Variants in RCAN2 observed in about 807,000 individuals in gnomAD.
RCAN2 encodes regulator of calcineurin 2.
Under a neutral mutation model 23.6 loss-of-function variants are expected in RCAN2, and 9 were observed. The observed-to-expected ratio is 0.38, with a 90% confidence interval of 0.23 to 0.67. RCAN2 has a LOEUF of 0.67. Among genes scored for constraint, RCAN2 ranks in the 30% least tolerant of loss-of-function variants. The pLI is 0.51. For missense variants in RCAN2, 273 were observed against 302.3 expected (o/e 0.90, Z 0.72); for synonymous variants, 109 against 115.7 (o/e 0.94, Z 0.37).
intron 1 of RCAN2, among the ~76,000 whole-genome samples, chr6:46,479,180 G>T (rs144169764): frequency 6.6e-6 from 1 of 152,158 alleles, no homozygotes. Flanking sequence ...TTTTTGCATC[G>T]AAGATTTTCA....
chr6:46,325,858 CTGT>C (rs1582106785), intron 2 of RCAN2: 1 of 985,298 alleles, frequency 1.0e-6, no homozygotes, highest in Non-Finnish European at 1.2e-6. Context: ...TGAGTCATAG[CTGT>C]TGTTGCAGCC....
chr6:46,421,581 C>T (rs1276739675), intron 2 of RCAN2, among the ~76,000 whole-genome samples: 4 of 152,198 alleles, frequency 2.6e-5, no homozygotes, highest in African/African-American at 7.2e-5. Flanking sequence ...TCCTACTCAA[C>T]TTTTAATACC....
At chr6:46,424,480 A>T (rs1321211311) in intron 2 of RCAN2, among the ~76,000 whole-genome samples, 1 of 152,110 alleles carries the variant, frequency 6.6e-6, no homozygotes, top group Non-Finnish European at 1.5e-5. Flanking sequence ...TTACCAACCC[A>T]TCCTCCAGTT....
chr6:46,243,690 G>A (rs1466428269), intron 4 of RCAN2, among the ~76,000 whole-genome samples: 1 of 151,476 alleles, frequency 6.6e-6, no homozygotes, highest in Non-Finnish European at 1.5e-5. Flanking sequence ...TGCGCCTGTA[G>A]TCCCAGCTGC....
intron 1 of RCAN2, among the ~76,000 whole-genome samples, chr6:46,471,891 G>A (rs1054872394): frequency 1.5e-4 from 22 of 151,584 alleles, no homozygotes; most frequent in Admixed American, 2.6e-4. Flanking sequence ...AGGTGCGTGC[G>A]CACACACACA....
intron 2 of RCAN2, chr6:46,325,743 CT>C: frequency 7.9e-7 from 1 of 1,266,694 alleles, no homozygotes; most frequent in Non-Finnish European, 1.0e-6. Context: ...ATTTTTTTTT[CT>C]CCAAGCCTTT....
At chr6:46,418,690 T>C (rs1300328279) in intron 2 of RCAN2, among the ~76,000 whole-genome samples, 1 of 111,332 alleles carries the variant, frequency 9.0e-6, no homozygotes, top group Admixed American at 1.1e-4. Context: ...AAAATATGTG[T>C]GTGTGTATAT....
At chr6:46,348,715 G>C (rs1050752578) in intron 2 of RCAN2, among the ~76,000 whole-genome samples, 3 of 152,124 alleles carry the variant, frequency 2.0e-5, no homozygotes, top group East Asian at 3.8e-4. Flanking sequence ...ATGGTACCTC[G>C]GCATGTTATA....
chr6:46,227,950 G>A (rs1228336608), intron 4 of RCAN2, among the ~76,000 whole-genome samples: 15 of 152,170 alleles, frequency 9.9e-5, no homozygotes. Flanking sequence ...CTTTAAATGT[G>A]TCCCAGAGAT....
intron 2 of RCAN2, among the ~76,000 whole-genome samples, chr6:46,405,750 CCGCACCGTGCGCT>C (rs1766381646): frequency 6.6e-6 from 1 of 152,216 alleles, no homozygotes; most frequent in Admixed American, 6.5e-5. Context: ...CCTGCCAGTC[CCGCACCGTGCGCT>C]CGCACTCCTC....
intron 1 of RCAN2, among the ~76,000 whole-genome samples, chr6:46,481,699 A>G (rs948626017): frequency 1.6e-4 from 25 of 152,178 alleles, no homozygotes; most frequent in African/African-American, 5.5e-4. Context: ...GGTCTCTGGC[A>G]GCTGTGTCTC....
Position 46,369,792 on chromosome 6 carries a change from T to C in RCAN2, c.225+86960A>G, listed in dbSNP as rs553262871. The stretch of plus-strand genomic sequence containing the variant: ...TCATTCATGCTTTAGAGATTAAAAT[T>C]GGAAAACAAAACTATGAATCTTTTA... On this transcript the variant is annotated intron_variant, in intron 2 of 4. Transcript: ENST00000371374. Among the ~76,000 whole-genome samples, 52 of 152,336 alleles carry C rather than the reference T, an allele frequency of 3.4e-4. No individual in the cohort carries two copies. In the South Asian group the frequency reaches 5.2e-3, roughly 15 times the overall value.
intron 2 of RCAN2, among the ~76,000 whole-genome samples, chr6:46,404,269 G>T (rs1766338716): frequency 6.6e-6 from 1 of 151,994 alleles, no homozygotes; most frequent in Non-Finnish European, 1.5e-5. Flanking sequence ...GTGCTTGTTT[G>T]ATCATAGACC....
chr6:46,331,609 G>C (rs777786963), intron 2 of RCAN2, among the ~76,000 whole-genome samples: 1 of 152,310 alleles, frequency 6.6e-6, no homozygotes, highest in Middle Eastern at 3.4e-3. Flanking sequence ...TCCTGCCTTA[G>C]ATAAGGAGTC....
In RCAN2 at chr6:46,248,891, T is replaced by C; in HGVS notation, c.231A>G (p.Lys77=). ...SVFEGEESKE[K]FEGLFRTYDD... ...CATAAGTCCGAAACAGTCCCTCAAA[T>C]TTTTCCTGATAAAAACAAACACAGA... Residue 77 remains lysine (K), a synonymous_variant, in exon 3 of 5, where the codon AAA becomes AAG. Transcript: ENST00000371374. The C allele has an allele frequency of 1.9e-6, 3 of 1,601,964 alleles. No individual in the cohort carries two copies. Among genetic ancestry groups the C allele is most frequent in the Non-Finnish European group, 2.6e-6 (3 of 1,174,896 alleles).
intron 2 of RCAN2, among the ~76,000 whole-genome samples, chr6:46,365,287 C>G (rs1235158655): frequency 6.6e-6 from 1 of 151,928 alleles, no homozygotes; most frequent in African/African-American, 2.4e-5. Context: ...ACCAGCCTGG[C>G]CAACATGGTG....
intron 1 of RCAN2, among the ~76,000 whole-genome samples, chr6:46,471,979 C>A (rs554517364): frequency 1.3e-5 from 2 of 152,212 alleles, no homozygotes; most frequent in East Asian, 1.9e-4. Context: ...CAGGACTCGG[C>A]GACTTGCACC....
chr6:46,491,292 G>C lies in RCAN2; in HGVS notation c.-122C>G, dbSNP rs1769140918. Reference sequence around the variant, plus strand: ...CTCACCTGCCCGCCGGTGCGAGCGCGTGGGGGCGGCGCGGTGCCCGCGGGC... The same window carrying C: ...CTCACCTGCCCGCCGGTGCGAGCGCCTGGGGGCGGCGCGGTGCCCGCGGGC... On this transcript the variant is annotated 5_prime_UTR_variant, in exon 1 of 5. Coordinates refer to ENST00000371374, the MANE Select transcript of RCAN2 (RefSeq NM_001251974.2). 6.6e-6 allele frequency: 1 copy of C among 151,058 alleles called. No homozygotes were observed. Among genetic ancestry groups the C allele is most frequent in the South Asian group, 2.0e-4 (1 of 4,938 alleles). The allele number at this position is 151,058 out of a possible 1,614,324, so 9.4% of individuals were successfully genotyped here.
intron 4 of RCAN2, among the ~76,000 whole-genome samples, chr6:46,243,002 G>A (rs2150314995): frequency 6.6e-6 from 1 of 152,328 alleles, no homozygotes; most frequent in African/African-American, 2.4e-5. Context: ...AAGATAGTAA[G>A]TTGAATGATA....
Sources: allele counts gnomAD v4.1 joint callset (sites outside exome capture counted in the v4.1 genomes callset), GRCh38; gene constraint gnomAD v4.1.1; transcripts MANE v1.5; gene names NCBI Gene and HGNC (gene_info 2026-07-23, HGNC 2026-07-21).